The following TNFRSF10A variants were observed in gnomAD, a reference collection of about 807,000 sequenced individuals.
The protein encoded by TNFRSF10A is TNF receptor superfamily member 10a.
Under a neutral mutation model 42.8 loss-of-function variants are expected in TNFRSF10A, and 44 were observed. The observed-to-expected ratio is 1.03, with a 90% confidence interval of 0.81 to 1.32. TNFRSF10A has a LOEUF of 1.32. TNFRSF10A is among the 40% of genes most tolerant of loss of function. The pLI, the probability that TNFRSF10A is intolerant of heterozygous loss-of-function variation, is 0.00. For synonymous variants in TNFRSF10A, 259 were observed against 234.2 expected (o/e 1.11, Z -0.97); for missense variants, 680 against 602.0 (o/e 1.13, Z -1.36).
At chr8:23,193,175 G>A (rs1306344536) in intron 9 of TNFRSF10A, among the ~76,000 whole-genome samples, 4 of 152,272 alleles carry the variant, frequency 2.6e-5, no homozygotes, top group South Asian at 2.1e-4. Context: ...AGCGAGCAGC[G>A]GGACCTAGAC....
chr8:23,220,148 G>A (rs530889892), intron 1 of TNFRSF10A, among the ~76,000 whole-genome samples: 2 of 152,290 alleles, frequency 1.3e-5, no homozygotes, highest in South Asian at 2.1e-4. Flanking sequence ...CTGGGAATCC[G>A]GAAGAGGCCC....
intron 2 of TNFRSF10A, among the ~76,000 whole-genome samples, chr8:23,209,520 G>A (rs1463398641): frequency 6.6e-6 from 1 of 152,208 alleles, no homozygotes. Flanking sequence ...GGGCGGAGCT[G>A]CCCAAGACTA....
At chr8:23,202,049 T>A in intron 3 of TNFRSF10A, 130 bp from the exon 4 acceptor site, 2 of 747,058 alleles carry the variant, frequency 2.7e-6, no homozygotes, top group Non-Finnish European at 4.5e-6. Flanking sequence ...AGGGCCAGAT[T>A]CTGCACCAGC....
chr8:23,203,868 C>A (rs986203030), intron 2 of TNFRSF10A, among the ~76,000 whole-genome samples: 1 of 151,888 alleles, frequency 6.6e-6, no homozygotes, highest in African/African-American at 2.4e-5. Context: ...CCTCCGCCTC[C>A]TGGGTTCAAG....
intron 1 of TNFRSF10A, among the ~76,000 whole-genome samples, chr8:23,221,130 C>T (rs1355067376): frequency 1.3e-5 from 2 of 152,112 alleles, no homozygotes; most frequent in African/African-American, 4.8e-5. Context: ...GGAGCAGGTG[C>T]AGCCTCTGCT....
chr8:23,197,084 T>C, intron 9 of TNFRSF10A, 48 bp downstream of exon 9: 2 of 1,612,410 alleles, frequency 1.2e-6, no homozygotes, highest in East Asian at 2.2e-5. Flanking sequence ...TAGGACACCG[T>C]CCCTATTCCC....
intron 2 of TNFRSF10A, 102 bp from the exon 3 acceptor site, chr8:23,202,863 G>C (rs1214351432): frequency 1.3e-6 from 1 of 749,090 alleles, no homozygotes; most frequent in Non-Finnish European, 2.4e-6. Context: ...GTAGACCCCA[G>C]ACAGAGAAAT....
At chr8:23,207,122 C>T (rs192382760) in intron 2 of TNFRSF10A, 95 of 580,082 alleles carry the variant, frequency 1.6e-4, no homozygotes, top group African/African-American at 1.6e-3. Flanking sequence ...ACTATGCTAT[C>T]ATCAAGCTTC....
intron 8 of TNFRSF10A, among the ~76,000 whole-genome samples, chr8:23,199,017 C>A (rs1211144726): frequency 1.3e-5 from 2 of 152,200 alleles, no homozygotes; most frequent in Non-Finnish European, 2.9e-5. Context: ...ATCAACAAAC[C>A]CTGTGACCCC....
At chr8:23,203,747 G>A (rs952387427) in intron 2 of TNFRSF10A, among the ~76,000 whole-genome samples, 2 of 151,950 alleles carry the variant, frequency 1.3e-5, no homozygotes, top group Non-Finnish European at 2.9e-5. Context: ...ATAGTGCTGG[G>A]GCAACTAAGG....
intron 2 of TNFRSF10A, among the ~76,000 whole-genome samples, chr8:23,209,042 C>G (rs1801057027): frequency 6.6e-6 from 1 of 152,148 alleles, no homozygotes. Flanking sequence ...AGTCTAGGGA[C>G]TTGGTGCCCT....
intron 2 of TNFRSF10A, among the ~76,000 whole-genome samples, chr8:23,211,157 C>G (rs1801087362): frequency 1.3e-5 from 2 of 151,990 alleles, no homozygotes; most frequent in African/African-American, 4.8e-5. Context: ...AGAGGAAATC[C>G]TAAGGAAGCC....
chr8:23,214,119 C>A (rs1027825340), intron 1 of TNFRSF10A, among the ~76,000 whole-genome samples: 16 of 152,078 alleles, frequency 1.1e-4, no homozygotes, highest in African/African-American at 3.9e-4. Flanking sequence ...TAGGCGTGAG[C>A]TACAGAGCTC....
chr8:23,196,518 A>G (rs1800826078), intron 9 of TNFRSF10A, among the ~76,000 whole-genome samples: 1 of 152,024 alleles, frequency 6.6e-6, no homozygotes, highest in Admixed American at 6.6e-5. Flanking sequence ...TTTTATCCCT[A>G]CTATATAAAC....
At chr8:23,210,639 G>C (rs1201192663) in intron 2 of TNFRSF10A, among the ~76,000 whole-genome samples, 1 of 152,080 alleles carries the variant, frequency 6.6e-6, no homozygotes, top group Non-Finnish European at 1.5e-5. Context: ...CCGAGATCGC[G>C]CCACTGCACT....
At chr8:23,216,672 G>A (rs1314065766) in intron 1 of TNFRSF10A, among the ~76,000 whole-genome samples, 1 of 151,742 alleles carries the variant, frequency 6.6e-6, no homozygotes, top group African/African-American at 2.4e-5. Context: ...AACCCGGGAG[G>A]CAGAGGTTGC....
chr8:23,203,970 G>T (rs1220382847), intron 2 of TNFRSF10A, among the ~76,000 whole-genome samples: 1 of 152,006 alleles, frequency 6.6e-6, no homozygotes, highest in Non-Finnish European at 1.5e-5. Context: ...TAGAGACGGG[G>T]TTTCACTAGG....
chr8:23,223,999 C>T (rs1043313465), intron 1 of TNFRSF10A, among the ~76,000 whole-genome samples: 1 of 152,140 alleles, frequency 6.6e-6, no homozygotes, highest in African/African-American at 2.4e-5. Flanking sequence ...CTTTTTCCTG[C>T]CGGGCTGCGT....
chr8:23,199,657 T>C (rs1585280493), intron 7 of TNFRSF10A, among the ~76,000 whole-genome samples: 1 of 151,688 alleles, frequency 6.6e-6, no homozygotes, highest in Non-Finnish European at 1.5e-5. Context: ...GGCTGTGGGG[T>C]AAGGGTCTCA....
Sources: gnomAD v4.1 joint callset for allele counts (sites outside exome capture counted in the v4.1 genomes callset) on GRCh38, gnomAD v4.1.1 for gene constraint, MANE v1.5 for transcripts, NCBI Gene and HGNC (gene_info 2026-07-23, HGNC 2026-07-21) for gene names.